The following C9orf85 variants were observed in gnomAD, a reference collection of about 807,000 sequenced individuals.
C9orf85 encodes the protein chromosome 9 open reading frame 85, also known as uncharacterized protein C9orf85.
C9orf85 carries 16 observed loss-of-function variants against 14.9 expected under a neutral mutation model. That is an observed-to-expected ratio of 1.08 (90% CI 0.73 to 1.63). The LOEUF (loss-of-function observed/expected upper bound fraction) is 1.63, where lower values mean the gene tolerates loss of function less well. Among genes scored for constraint, C9orf85 ranks in the 40% most tolerant of loss-of-function variants. C9orf85 has a pLI of 0.00. For missense variants in C9orf85, 172 were observed against 186.1 expected, an observed-to-expected ratio of 0.92 and a Z score of 0.44; for synonymous variants, 45 against 56.8, an observed-to-expected ratio of 0.79 and a Z score of 0.93.
At chr9:71,936,550 C>T (rs1173504500) in intron 1 of C9orf85, among the ~76,000 whole-genome samples, 1 of 152,112 alleles carries the variant, frequency 6.6e-6, no homozygotes, top group East Asian at 1.9e-4. Flanking sequence ...CATATTACTG[C>T]TGCAACAATA....
chr9:71,941,332 G>C (rs1261604276), intron 1 of C9orf85, among the ~76,000 whole-genome samples: 1 of 152,132 alleles, frequency 6.6e-6, no homozygotes, highest in Non-Finnish European at 1.5e-5. Flanking sequence ...AGAGATCTGG[G>C]TCACCACCTT....
intron 1 of C9orf85, among the ~76,000 whole-genome samples, chr9:71,938,858 G>T (rs752976408): frequency 1.8e-4 from 27 of 151,508 alleles, no homozygotes; most frequent in Non-Finnish European, 3.3e-4. Context: ...TCAAAGAGTA[G>T]ATAATAGGTT....
rs6560241 is a variant in C9orf85 at position 71,914,507 on chromosome 9, A to G, written c.102+2671A>G. Among the ~76,000 whole-genome samples, 263 of 152,242 alleles carry G rather than the reference A, an allele frequency of 1.7e-3. 1 individual carries two copies. Among genetic ancestry groups the G allele is most frequent in the African/African-American group, 5.6e-3 (233 of 41,554 alleles). ...CTTTATGATTTGGTAGGGGTCCTAC[A>G]TGATAGTTTTTCTTTTCCTCCTCTG... On this transcript the variant is annotated intron_variant, in intron 1 of 3. Transcript: ENST00000334731.
chr9:71,943,823 G>A (rs887181780), intron 1 of C9orf85, among the ~76,000 whole-genome samples: 1 of 151,706 alleles, frequency 6.6e-6, no homozygotes. Flanking sequence ...TTACAGGTGT[G>A]AGCCACCGCA....
At chr9:71,958,558 G>A (rs1053080359) in intron 2 of C9orf85, among the ~76,000 whole-genome samples, 13 of 152,084 alleles carry the variant, frequency 8.5e-5, no homozygotes, top group East Asian at 1.9e-4. Context: ...TACCGCGCCC[G>A]GCCAGTAATT....
intron 2 of C9orf85, among the ~76,000 whole-genome samples, chr9:71,953,278 A>G (rs1022306824): frequency 6.6e-6 from 1 of 152,208 alleles, no homozygotes; most frequent in African/African-American, 2.4e-5. Flanking sequence ...GTGGTTTTCA[A>G]ACTTTTCAGC....
chr9:71,980,160 C>A (rs898441523), intron 3 of C9orf85, among the ~76,000 whole-genome samples: 1 of 151,738 alleles, frequency 6.6e-6, no homozygotes. Context: ...ATCACAGGTG[C>A]GCGCCACCAT....
chr9:71,930,423 A>C (rs1828042822), intron 1 of C9orf85, among the ~76,000 whole-genome samples: 1 of 152,030 alleles, frequency 6.6e-6, no homozygotes, highest in Admixed American at 6.6e-5. Flanking sequence ...TTTTCCCCAA[A>C]ATACTTATTA....
Position 71,924,481 on chromosome 9 carries a change from G to A in C9orf85, c.102+12645G>A, listed in dbSNP as rs149551685. ...AGTATTTCTTCTTGTAGTTGATGGAGTTATGTATATGTAATAATTTTCAAA... is the reference window on the plus strand; with the variant it reads ...AGTATTTCTTCTTGTAGTTGATGGAATTATGTATATGTAATAATTTTCAAA... On this transcript the variant is annotated intron_variant, in intron 1 of 3. Transcript: ENST00000334731. Among the ~76,000 whole-genome samples the A allele has an allele frequency of 1.7e-3, 263 of 152,266 alleles. 1 individual carries two copies. The highest frequency in any genetic ancestry group is 5.7e-3 in the African/African-American group (236 of 41,552).
downstream of C9orf85, among the ~76,000 whole-genome samples, chr9:71,975,523 T>A (rs1253380449): frequency 1.3e-5 from 2 of 151,298 alleles, no homozygotes; most frequent in Non-Finnish European, 2.9e-5. Context: ...TCTAAACATA[T>A]AGCCTGACTG....
intron 1 of C9orf85, among the ~76,000 whole-genome samples, chr9:71,945,549 T>C (rs944905928): frequency 6.6e-6 from 1 of 152,214 alleles, no homozygotes; most frequent in African/African-American, 2.4e-5. Context: ...AGAGAAAAAT[T>C]AAATAAAATG....
chr9:71,927,531 T>C (rs975710065), intron 1 of C9orf85, among the ~76,000 whole-genome samples: 1 of 152,172 alleles, frequency 6.6e-6, no homozygotes, highest in African/African-American at 2.4e-5. Context: ...GCTAACGATC[T>C]TGTCTTGTTT....
intron 2 of C9orf85, among the ~76,000 whole-genome samples, chr9:71,956,437 C>T (rs574168650): frequency 2.7e-4 from 41 of 151,796 alleles, no homozygotes; most frequent in Middle Eastern, 3.4e-3. Context: ...TTAGTAGAGA[C>T]GGGGTTTCTT....
intron 3 of C9orf85, among the ~76,000 whole-genome samples, chr9:71,979,605 A>G (rs1219575035): frequency 6.6e-6 from 1 of 152,210 alleles, no homozygotes; most frequent in Non-Finnish European, 1.5e-5. Context: ...ACAGTTTTTA[A>G]TACTTGTTGA....
At chr9:71,976,267 G>T, downstream of C9orf85, among the ~76,000 whole-genome samples, 1 of 152,096 alleles carries the variant, frequency 6.6e-6, no homozygotes, top group East Asian at 1.9e-4. Context: ...TTGATATCTG[G>T]CAGGAGGATA....
intron 2 of C9orf85, among the ~76,000 whole-genome samples, chr9:71,962,840 G>A (rs1425669835): frequency 6.6e-6 from 1 of 152,168 alleles, no homozygotes; most frequent in Non-Finnish European, 1.5e-5. Flanking sequence ...CGGATCACTT[G>A]AGGTCAGGAG....
At position 71,962,145 on chromosome 9, in the gene C9orf85, G is replaced by C. The variant is rs912423632; in HGVS notation, c.210-9360G>C. On this transcript the variant is annotated intron_variant, in intron 2 of 3. Transcript: ENST00000334731. ...TGCACTACTGTACTCCAGCCTGGGC[G>C]ACAGAGTGAGACCCTGTCTCAAAAA... 2.0e-5 allele frequency among the ~76,000 whole-genome samples: 3 copies of C among 152,216 alleles called. No homozygotes were observed. In the South Asian group the frequency reaches 6.2e-4, roughly 32 times the overall value.
chr9:71,982,628 A>AT, intron 3 of C9orf85: 4 of 297,098 alleles, frequency 1.3e-5, no homozygotes, highest in Admixed American at 5.2e-5. Context: ...TAATTTGTAT[A>AT]TTTCTTTTTT....
chr9:71,919,990 C>A (rs1318135696), intron 1 of C9orf85, among the ~76,000 whole-genome samples: 1 of 152,000 alleles, frequency 6.6e-6, no homozygotes, highest in African/African-American at 2.4e-5. Context: ...GCTGGGATTA[C>A]AGGTGCACAT....
Sources: gnomAD v4.1 joint callset for allele counts (sites outside exome capture counted in the v4.1 genomes callset) on GRCh38, gnomAD v4.1.1 for gene constraint, MANE v1.5 for transcripts, NCBI Gene and HGNC (gene_info 2026-07-23, HGNC 2026-07-21) for gene names.